Variants in CNTN3 observed in about 807,000 individuals in gnomAD.
CNTN3 encodes contactin-3.
In CNTN3, 60 loss-of-function variants were observed where a neutral mutation model predicts 119.1. That is an observed-to-expected ratio of 0.50 (90% confidence interval 0.41 to 0.62). The LOEUF is 0.62. CNTN3 is among the 20% of genes least tolerant of loss of function. The pLI is 0.00. For missense variants in CNTN3, 1,101 were observed against 1,242.4 expected (o/e 0.89, Z 1.71); for synonymous variants, 450 against 438.7 (o/e 1.03, Z -0.32).
intron 4 of CNTN3, among the ~76,000 whole-genome samples, chr3:74,459,516 G>A (rs936222384): frequency 1.3e-5 from 2 of 151,920 alleles, no homozygotes; most frequent in African/African-American, 2.4e-5. Flanking sequence ...GCCTATCTTC[G>A]AAGTCTCAGG....
At chr3:74,417,906 G>A (rs533191663) in intron 5 of CNTN3, among the ~76,000 whole-genome samples, 8 of 152,290 alleles carry the variant, frequency 5.3e-5, no homozygotes, top group African/African-American at 1.4e-4. Flanking sequence ...TCAGTCTACA[G>A]ATGGATTACC....
At chr3:74,452,729 T>A (rs1702183930) in intron 4 of CNTN3, among the ~76,000 whole-genome samples, 1 of 146,742 alleles carries the variant, frequency 6.8e-6, no homozygotes, top group African/African-American at 2.5e-5. Flanking sequence ...GCATGAAGAG[T>A]TGTTGAATTT....
Position 74,534,005 on chromosome 3 carries a change from G to A in CNTN3, c.-80-12813C>T, listed in dbSNP as rs1362917027. On this transcript the variant is annotated intron_variant, in intron 1 of 22. Coordinates refer to ENST00000263665, the MANE Select transcript of CNTN3 (RefSeq NM_020872.3). ...GCCCAAATGACAATCATGTCAAGGT[G>A]AGAATCCCAACTTCAGAGCAGCTTA... Among the ~76,000 whole-genome samples the A allele has an allele frequency of 2.6e-5, 4 of 152,178 alleles. No homozygotes were observed. In the Middle Eastern group the frequency reaches 0.01, roughly 388 times the overall value.
chr3:74,423,981 A>G (rs1292844633), intron 5 of CNTN3, among the ~76,000 whole-genome samples: 2 of 152,218 alleles, frequency 1.3e-5, no homozygotes, highest in Admixed American at 6.5e-5. Flanking sequence ...TTTCCTTTGA[A>G]TAAGTTTTAC....
At chr3:74,607,045 A>C (rs542247926) in intron 1 of CNTN3, among the ~76,000 whole-genome samples, 2 of 152,166 alleles carry the variant, frequency 1.3e-5, no homozygotes, top group Non-Finnish European at 2.9e-5. Flanking sequence ...TCCATGCACA[A>C]AGCTTTTGAT....
intron 5 of CNTN3, among the ~76,000 whole-genome samples, chr3:74,398,099 T>C (rs1188947541): frequency 2.0e-5 from 3 of 152,204 alleles, no homozygotes; most frequent in Non-Finnish European, 4.4e-5. Context: ...GGATTTAGAA[T>C]ATTAATTAAA....
At chr3:74,612,105 T>G (rs1705093341) in intron 1 of CNTN3, among the ~76,000 whole-genome samples, 1 of 152,168 alleles carries the variant, frequency 6.6e-6, no homozygotes, top group East Asian at 1.9e-4. Flanking sequence ...TATTAAGAGT[T>G]AATGAGAACT....
chr3:74,339,157 A>G (rs879773729), intron 11 of CNTN3, among the ~76,000 whole-genome samples: 1 of 152,110 alleles, frequency 6.6e-6, no homozygotes, highest in African/African-American at 2.4e-5. Context: ...ACATGGAGAA[A>G]AAACTTAGAC....
chr3:74,285,330 T>A lies in CNTN3; in HGVS notation c.2679A>T (p.Thr893=). The change falls in exon 20 of 23, where the codon ACA becomes ACT. Residue 893 remains threonine (T), a synonymous_variant. Coordinates refer to ENST00000263665, the MANE Select transcript of CNTN3 (RefSeq NM_020872.3). ...NSAGAGPFSA[T]VNVTTKKTPP... is the part of the protein sequence containing the mutation. ...GCGTTTTCTTGGTGGTTACATTAACTGTGGCGCTAAAAGGCCCAGCGCCGG... is the reference window on the plus strand; with the variant it reads ...GCGTTTTCTTGGTGGTTACATTAACAGTGGCGCTAAAAGGCCCAGCGCCGG... 6.2e-7 allele frequency: 1 copy of A among 1,609,860 alleles called. No homozygotes were observed. The highest frequency in any genetic ancestry group is 8.5e-7 in the Non-Finnish European group (1 of 1,178,716).
At chr3:74,341,866 T>C (rs1703557449) in intron 11 of CNTN3, among the ~76,000 whole-genome samples, 1 of 152,154 alleles carries the variant, frequency 6.6e-6, no homozygotes, top group Admixed American at 6.5e-5. Context: ...AATATTGTTT[T>C]TCCCTGCCTA....
At chr3:74,523,376 A>G (rs1703571250) in intron 1 of CNTN3, among the ~76,000 whole-genome samples, 1 of 151,916 alleles carries the variant, frequency 6.6e-6, no homozygotes, top group Non-Finnish European at 1.5e-5. Flanking sequence ...TAGTCATAAA[A>G]GGCATGTGAA....
At chr3:74,591,159 T>C (rs1287092705) in intron 1 of CNTN3, among the ~76,000 whole-genome samples, 2 of 151,980 alleles carry the variant, frequency 1.3e-5, no homozygotes, top group Admixed American at 6.6e-5. Flanking sequence ...TCTACTTTTA[T>C]TATACTTAGG....
Position 74,295,223 on chromosome 3 carries a change from G to A in CNTN3, c.2415C>T (p.Ala805=). ...VFSAEEEPTV[A]PSQVSANSLS... is the part of the protein sequence containing the mutation. ...GGCTATTTGCAGAGACTTGAGATGGGGCCACTGTAGGCTCTGTTCGGAAAC... is the reference window on the plus strand; with the variant it reads ...GGCTATTTGCAGAGACTTGAGATGGAGCCACTGTAGGCTCTGTTCGGAAAC... The change falls in exon 19 of 23, where the codon GCC becomes GCT. Residue 805 remains alanine (A), a synonymous_variant. Coordinates refer to ENST00000263665, the MANE Select transcript of CNTN3 (RefSeq NM_020872.3). 6.3e-7 allele frequency: 1 copy of A among 1,595,480 alleles called. No homozygotes were observed. The highest frequency in any genetic ancestry group is 8.6e-7 in the Non-Finnish European group (1 of 1,163,782).
At chr3:74,569,180 T>C (rs1304416588) in intron 1 of CNTN3, among the ~76,000 whole-genome samples, 2 of 152,210 alleles carry the variant, frequency 1.3e-5, no homozygotes, top group South Asian at 2.1e-4. Flanking sequence ...TAAAGACTCA[T>C]ATCTGTTACC....
At chr3:74,414,759 T>A (rs1228572407) in intron 5 of CNTN3, among the ~76,000 whole-genome samples, 2 of 152,154 alleles carry the variant, frequency 1.3e-5, no homozygotes, top group African/African-American at 4.8e-5. Flanking sequence ...GCATGTGTAA[T>A]ATTAATTAAA....
At chr3:74,380,102 G>A (rs1311449524) in intron 5 of CNTN3, among the ~76,000 whole-genome samples, 1 of 152,124 alleles carries the variant, frequency 6.6e-6, no homozygotes, top group Non-Finnish European at 1.5e-5. Context: ...GAACGAACTG[G>A]GAAATACAAT....
At chr3:74,587,010 C>T (rs1041878154) in intron 1 of CNTN3, among the ~76,000 whole-genome samples, 1 of 152,030 alleles carries the variant, frequency 6.6e-6, no homozygotes. Flanking sequence ...GTGGGACTTG[C>T]CCATTTCTCC....
At chr3:74,396,539 G>A (rs1161765184) in intron 5 of CNTN3, among the ~76,000 whole-genome samples, 1 of 151,940 alleles carries the variant, frequency 6.6e-6, no homozygotes, top group Non-Finnish European at 1.5e-5. Flanking sequence ...CAGGTCAGGA[G>A]ATCGAGACCA....
chr3:74,286,258 T>C (rs1481405696), intron 19 of CNTN3, among the ~76,000 whole-genome samples: 1 of 152,110 alleles, frequency 6.6e-6, no homozygotes, highest in Admixed American at 6.6e-5. Flanking sequence ...GGAACCCTGC[T>C]AGCAAGAAAA....
Sources: gnomAD v4.1 joint callset for allele counts (sites outside exome capture counted in the v4.1 genomes callset) on GRCh38, gnomAD v4.1.1 for gene constraint, MANE v1.5 for transcripts, NCBI Gene and HGNC (gene_info 2026-07-23, HGNC 2026-07-21) for gene names.